MITF: variants seen among roughly 807,000 people sequenced by gnomAD.
MITF encodes the protein microphthalmia-associated transcription factor.
A neutral mutation model predicts 60.5 loss-of-function variants in MITF; 17 were observed. The ratio of observed to expected loss-of-function variants is 0.28; its 90% CI spans 0.19 to 0.42. The LOEUF (loss-of-function observed/expected upper bound fraction) is 0.42, where lower values mean the gene tolerates loss of function less well. MITF is among the 10% of genes least tolerant of loss of function. The probability of loss-of-function intolerance (pLI) is 1.00; values close to 1 mark genes in which losing one functional copy is unlikely to be tolerated. For missense variants in MITF, 622 were observed against 683.5 expected (o/e 0.91, Z 1.00); for synonymous variants, 260 against 248.5 (o/e 1.05, Z -0.43).
chr3:69,936,828 A>G, intron 2 of MITF: 1 of 1,375,078 alleles, frequency 7.3e-7, no homozygotes, highest in Non-Finnish European at 1.0e-6. Context: ...ACTTTTTGTT[A>G]TTGTAATAGA....
chr3:69,854,460 C>T (rs2063880945), intron 1 of MITF, among the ~76,000 whole-genome samples: 1 of 152,106 alleles, frequency 6.6e-6, no homozygotes, highest in Non-Finnish European at 1.5e-5. Context: ...ATACCTGGTA[C>T]AACATAAATG....
chr3:69,858,081 A>C (rs1445591465), intron 1 of MITF, among the ~76,000 whole-genome samples: 1 of 152,104 alleles, frequency 6.6e-6, no homozygotes, highest in African/African-American at 2.4e-5. Context: ...CAATATTTTA[A>C]GTAAGGATTT....
intron 1 of MITF, among the ~76,000 whole-genome samples, chr3:69,863,707 C>T (rs2064058982): frequency 6.6e-6 from 1 of 152,116 alleles, no homozygotes; most frequent in African/African-American, 2.4e-5. Flanking sequence ...GAAAATCTGG[C>T]TTGAACTTTT....
At chr3:69,754,179 T>C (rs1232199774) in intron 1 of MITF, among the ~76,000 whole-genome samples, 1 of 152,130 alleles carries the variant, frequency 6.6e-6, no homozygotes, top group South Asian at 2.1e-4. Flanking sequence ...TAGTGAGTGA[T>C]TCTTATGAGT....
At chr3:69,796,305 G>A (rs1317038737) in intron 1 of MITF, among the ~76,000 whole-genome samples, 16 of 151,840 alleles carry the variant, frequency 1.1e-4, no homozygotes, top group Non-Finnish European at 1.6e-4. Flanking sequence ...TGAAGATTGT[G>A]TTTAGTTTGT....
rs775303938 is a variant in MITF, at chr3:69,895,432, C to T, written c.354+16049C>T. On this transcript the variant is annotated intron_variant, in intron 2 of 9. Transcript: ENST00000352241. ...CTGAGACTTTTCTGAAGGTCTTTTGCGTAGAGATTGAGCACAGACTTATTC... is the reference window on the plus strand; with the variant it reads ...CTGAGACTTTTCTGAAGGTCTTTTGTGTAGAGATTGAGCACAGACTTATTC... Among the ~76,000 whole-genome samples the T allele has an allele frequency of 5.9e-5, 9 of 152,096 alleles. No individual in the cohort carries two copies. In the South Asian group the frequency reaches 8.3e-4, roughly 14 times the overall value.
chr3:69,812,639 T>C (rs1188679121), intron 1 of MITF, among the ~76,000 whole-genome samples: 1 of 152,234 alleles, frequency 6.6e-6, no homozygotes, highest in African/African-American at 2.4e-5. Flanking sequence ...TATATATTTT[T>C]AGATAGAGTT....
At chr3:69,778,880 G>A (rs1460522173) in intron 1 of MITF, 2 of 152,006 alleles carry the variant, frequency 1.3e-5, no homozygotes, top group Non-Finnish European at 2.9e-5. Context: ...TCGAGCAAGT[G>A]CGGAAAATTC....
chr3:69,830,227 C>G (rs2063423766), intron 1 of MITF, among the ~76,000 whole-genome samples: 1 of 152,100 alleles, frequency 6.6e-6, no homozygotes, highest in Non-Finnish European at 1.5e-5. Flanking sequence ...GCCACAAGAG[C>G]CTTCTGCAGT....
chr3:69,796,106 C>T (rs1246546455), intron 1 of MITF, among the ~76,000 whole-genome samples: 4 of 152,080 alleles, frequency 2.6e-5, no homozygotes, highest in Non-Finnish European at 4.4e-5. Context: ...CTCAGACTCC[C>T]GAGTAGTAGG....
intron 2 of MITF, among the ~76,000 whole-genome samples, chr3:69,927,159 T>A: frequency 6.6e-6 from 1 of 152,348 alleles, no homozygotes; most frequent in East Asian, 1.9e-4. Flanking sequence ...AAATAGCATT[T>A]AAAAATCAAT....
At chr3:69,801,188 A>G (rs927414136) in intron 1 of MITF, among the ~76,000 whole-genome samples, 1 of 151,934 alleles carries the variant, frequency 6.6e-6, no homozygotes, top group Non-Finnish European at 1.5e-5. Context: ...AGCCAAGCTC[A>G]TTTTGTATTC....
At chr3:69,882,654 T>C (rs1257280208) in intron 2 of MITF, among the ~76,000 whole-genome samples, 4 of 152,166 alleles carry the variant, frequency 2.6e-5, no homozygotes, top group African/African-American at 9.7e-5. Context: ...ACCTGAAGTT[T>C]GAAATTTGAT....
intron 1 of MITF, among the ~76,000 whole-genome samples, chr3:69,800,859 G>A (rs886396811): frequency 6.6e-6 from 1 of 152,130 alleles, no homozygotes; most frequent in East Asian, 1.9e-4. Flanking sequence ...CTGGGAAACA[G>A]CATGCTTAGA....
intron 1 of MITF, chr3:69,763,813 G>A (rs2062246901): frequency 7.3e-7 from 1 of 1,364,860 alleles, no homozygotes; most frequent in Non-Finnish European, 9.8e-7. Context: ...TGGGAATTCA[G>A]ACCTATTCCG....
At chr3:69,847,796 T>C (rs1467248305) in intron 1 of MITF, among the ~76,000 whole-genome samples, 1 of 152,254 alleles carries the variant, frequency 6.6e-6, no homozygotes, top group African/African-American at 2.4e-5. Context: ...GTTTCATTTC[T>C]TGAGACTTTA....
At chr3:69,853,673 G>A (rs569771094) in intron 1 of MITF, among the ~76,000 whole-genome samples, 3 of 152,030 alleles carry the variant, frequency 2.0e-5, no homozygotes, top group Admixed American at 1.3e-4. Flanking sequence ...TTTTAGAATC[G>A]TTGACTACAT....
intron 2 of MITF, among the ~76,000 whole-genome samples, chr3:69,922,022 C>G (rs1195867322): frequency 6.6e-6 from 1 of 152,212 alleles, no homozygotes; most frequent in South Asian, 2.1e-4. Context: ...GGCAAAACTG[C>G]CTGTACAGTT....
intron 2 of MITF, among the ~76,000 whole-genome samples, chr3:69,907,489 AG>A (rs78048299): frequency 0.015 from 2,328 of 152,300 alleles, 28 homozygotes; most frequent in Middle Eastern, 0.051. Context: ...ATTCTACTGG[AG>A]GAGAGACTCA....
Sources: gnomAD v4.1 joint callset for allele counts (sites outside exome capture counted in the v4.1 genomes callset) on GRCh38, gnomAD v4.1.1 for gene constraint, MANE v1.5 for transcripts, NCBI Gene and HGNC (gene_info 2026-07-23, HGNC 2026-07-21) for gene names.